Variants in TMCC1 observed in about 807,000 individuals in gnomAD.
TMCC1 encodes the protein transmembrane and coiled-coil domains protein 1.
Under a neutral mutation model 52.4 loss-of-function variants are expected in TMCC1, and 15 were observed. The observed-to-expected ratio is 0.29, with a 90% CI of 0.19 to 0.44. The LOEUF (loss-of-function observed/expected upper bound fraction) is 0.44, where lower values mean the gene tolerates loss of function less well. Ranked by LOEUF, TMCC1 falls within the 20% of genes least tolerant of loss-of-function variation. The probability of loss-of-function intolerance (pLI) is 1.00; values close to 1 mark genes in which losing one functional copy is unlikely to be tolerated. For missense variants in TMCC1, 503 were observed against 806.0 expected (o/e 0.62, Z 4.55); for synonymous variants, 279 against 301.9 (o/e 0.92, Z 0.79).
At chr3:129,698,861 A>T (rs1291925157) in intron 4 of TMCC1, among the ~76,000 whole-genome samples, 1 of 152,160 alleles carries the variant, frequency 6.6e-6, no homozygotes, top group Non-Finnish European at 1.5e-5. Flanking sequence ...TTATAAAACA[A>T]GTTATCTGCA....
intron 2 of TMCC1, among the ~76,000 whole-genome samples, chr3:129,866,245 T>TATATATAATATATATTATAC (rs1166274593): frequency 5.0e-4 from 73 of 145,090 alleles, no homozygotes; most frequent in African/African-American, 1.7e-3. Context: ...CATACATACA[T>TATATATAATATATATTATAC]ATATATAATA....
chr3:129,668,863 G>C (rs1488537751), intron 5 of TMCC1, among the ~76,000 whole-genome samples: 2 of 152,212 alleles, frequency 1.3e-5, no homozygotes, highest in Admixed American at 6.5e-5. Context: ...GACCTTGGGT[G>C]GTCCACCCAC....
chr3:129,709,417 G>A (rs1316173419), intron 4 of TMCC1, among the ~76,000 whole-genome samples: 1 of 146,434 alleles, frequency 6.8e-6, no homozygotes, highest in East Asian at 2.1e-4. Context: ...CCCAGGCTGT[G>A]GTGAGCTGAG....
chr3:129,732,806 T>G (rs1165562938), intron 4 of TMCC1, among the ~76,000 whole-genome samples: 1 of 152,188 alleles, frequency 6.6e-6, no homozygotes, highest in Non-Finnish European at 1.5e-5. Context: ...ACTGCAGGAC[T>G]GCTTGAGGTT....
At chr3:129,836,531 A>G (rs2059167463) in intron 2 of TMCC1, among the ~76,000 whole-genome samples, 1 of 152,316 alleles carries the variant, frequency 6.6e-6, no homozygotes, top group African/African-American at 2.4e-5. Flanking sequence ...TGGATTCCTG[A>G]GGTTCAAAAA....
At chr3:129,780,647 T>C (rs2055446248) in intron 4 of TMCC1, among the ~76,000 whole-genome samples, 3 of 152,170 alleles carry the variant, frequency 2.0e-5, no homozygotes, top group African/African-American at 7.2e-5. Context: ...CCTATTTCCT[T>C]AGATTCCTCA....
Position 129,670,539 on chromosome 3 carries a change from G to A in TMCC1, c.1302C>T (p.Asn434=). The A allele has an allele frequency of 1.2e-6, 2 of 1,614,198 alleles. No individual in the cohort carries two copies. Among genetic ancestry groups the A allele is most frequent in the Non-Finnish European group, 1.7e-6 (2 of 1,180,036 alleles). ...SSATSGSVGA[N]STTGGIAVGA... The stretch of plus-strand genomic sequence containing the variant: ...CTACAGCGATGCCCCCTGTGGTGCT[G>A]TTGGCTCCCACTGAGCCTGAAGTGG... Residue 434 remains asparagine (N), a synonymous_variant, in exon 5 of 7, where the codon AAC becomes AAT. Transcript: ENST00000393238.
rs116048370 is a variant in TMCC1 at position 129,801,285 on chromosome 3, T to G, written c.576+26518A>C. Among the ~76,000 whole-genome samples the G allele has an allele frequency of 6.2e-3, 937 of 150,024 alleles. 15 individuals are homozygous for G. The highest frequency in any genetic ancestry group is 0.02 in the African/African-American group (811 of 41,026). On this transcript the variant is annotated intron_variant, in intron 4 of 6. Coordinates refer to ENST00000393238, the MANE Select transcript of TMCC1 (RefSeq NM_001017395.5). ...CTACCCATATTATCTATGACCTCCT[T>G]TTTTTTTTAAATTCAACAATTTACT...
chr3:129,878,975 G>A lies in TMCC1; in HGVS notation c.-184+1334C>T, dbSNP rs568415006. Among the ~76,000 whole-genome samples the A allele has an allele frequency of 3.9e-4, 59 of 152,284 alleles. 2 individuals are homozygous for A. In the South Asian group the frequency reaches 0.012, roughly 32 times the overall value. On this transcript the variant is annotated intron_variant, in intron 2 of 6. Coordinates refer to ENST00000393238, the MANE Select transcript of TMCC1 (RefSeq NM_001017395.5). ...CCTAGAATGCTCTTCTCATATATGT[G>A]TATGGCTCACTCCTTCACTTCTTTC... is the stretch of plus-strand genomic sequence containing the variant.
chr3:129,882,871 T>G (rs1577214320), intron 1 of TMCC1, among the ~76,000 whole-genome samples: 1 of 151,360 alleles, frequency 6.6e-6, no homozygotes, highest in Non-Finnish European at 1.5e-5. Context: ...GAGGAGGGGG[T>G]CTGGGGAGTT....
chr3:129,749,837 C>T (rs566258007), intron 4 of TMCC1, among the ~76,000 whole-genome samples: 2 of 152,248 alleles, frequency 1.3e-5, no homozygotes, highest in Admixed American at 1.3e-4. Context: ...CCTGTTGAGA[C>T]CTGTCTCAGC....
chr3:129,749,574 A>G (rs907409015), intron 4 of TMCC1, among the ~76,000 whole-genome samples: 2 of 152,150 alleles, frequency 1.3e-5, no homozygotes, highest in African/African-American at 4.8e-5. Flanking sequence ...TTAGTAAACT[A>G]ATTTGTTTTT....
intron 2 of TMCC1, among the ~76,000 whole-genome samples, chr3:129,845,212 ACACACAC>A (rs754799514): frequency 7.4e-4 from 112 of 152,162 alleles, no homozygotes; most frequent in Non-Finnish European, 1.4e-3. Context: ...ACACACACAC[ACACACAC>A]AATGCTAGAA....
rs960627378 is a variant in TMCC1, at chr3:129,732,775, G to T, written c.577-61511C>A. ...CCTAAAATCAGAGTTTTAAGCTCTT[G>T]CTAGACCCCAATCTGCTGTCACTGC... On this transcript the variant is annotated intron_variant, in intron 4 of 6. Coordinates refer to ENST00000393238, the MANE Select transcript of TMCC1 (RefSeq NM_001017395.5). Among the ~76,000 whole-genome samples, 5 of 152,170 alleles carry T rather than the reference G, an allele frequency of 3.3e-5. 1 individual carries two copies. Among genetic ancestry groups the T allele is most frequent in the Non-Finnish European group, 7.3e-5 (5 of 68,032 alleles).
intron 4 of TMCC1, among the ~76,000 whole-genome samples, chr3:129,779,232 CT>C (rs2055313188): frequency 6.6e-6 from 1 of 152,112 alleles, no homozygotes; most frequent in South Asian, 2.1e-4. Flanking sequence ...AAATTTTCTT[CT>C]TAGATTTTAC....
chr3:129,791,050 T>C (rs1354690692), intron 4 of TMCC1, among the ~76,000 whole-genome samples: 1 of 151,224 alleles, frequency 6.6e-6, no homozygotes, highest in Non-Finnish European at 1.5e-5. Flanking sequence ...TAGAAAAACA[T>C]CAGAGATCAT....
intron 2 of TMCC1, among the ~76,000 whole-genome samples, chr3:129,850,934 C>G (rs2059889691): frequency 6.6e-6 from 1 of 152,224 alleles, no homozygotes. Context: ...TTTAAGAATG[C>G]CTTTAAGCGG....
At chr3:129,770,780 AT>A (rs2054509539) in intron 4 of TMCC1, among the ~76,000 whole-genome samples, 1 of 152,258 alleles carries the variant, frequency 6.6e-6, no homozygotes, top group East Asian at 1.9e-4. Context: ...CATAGGATGC[AT>A]AATCTGACTT....
At chr3:129,860,088 A>AAACTTT (rs2107928365) in intron 2 of TMCC1, among the ~76,000 whole-genome samples, 1 of 152,306 alleles carries the variant, frequency 6.6e-6, no homozygotes, top group Non-Finnish European at 1.5e-5. Flanking sequence ...AAATATTCAA[A>AAACTTT]AACTTTAAAA....
Sources: allele counts gnomAD v4.1 joint callset (sites outside exome capture counted in the v4.1 genomes callset), GRCh38; gene constraint gnomAD v4.1.1; transcripts MANE v1.5; gene names NCBI Gene and HGNC (gene_info 2026-07-23, HGNC 2026-07-21).